Variants in M1AP observed in about 807,000 individuals in gnomAD.
M1AP encodes the protein meiosis 1 arrest protein.
A neutral mutation model predicts 51.2 loss-of-function variants in M1AP; 39 were observed. The observed-to-expected ratio is 0.76, with a 90% CI of 0.59 to 1.00. The LOEUF is 1.00. M1AP is among the 50% of genes least tolerant of loss of function. The pLI is 0.00. For missense variants in M1AP, 545 were observed against 641.2 expected (o/e 0.85, Z 1.62); for synonymous variants, 251 against 249.2 (o/e 1.01, Z -0.07).
chr2:74,601,216 T>A (rs1680653851), intron 4 of M1AP, among the ~76,000 whole-genome samples: 1 of 152,082 alleles, frequency 6.6e-6, no homozygotes, highest in Admixed American at 6.5e-5. Flanking sequence ...AAAAGGATAG[T>A]TAAATAAATG....
intron 7 of M1AP, among the ~76,000 whole-genome samples, chr2:74,564,582 C>T (rs766993697): frequency 1.4e-4 from 21 of 152,344 alleles, no homozygotes; most frequent in Non-Finnish European, 1.9e-4. Flanking sequence ...GAAGTTCATG[C>T]TTTCTTAGCA....
intron 2 of M1AP, chr2:74,628,506 A>G (rs1682527239): frequency 2.2e-6 from 1 of 462,532 alleles, no homozygotes; most frequent in Admixed American, 2.7e-5. Flanking sequence ...GAAGGAGAAC[A>G]AGGCACTAAA....
intron 7 of M1AP, among the ~76,000 whole-genome samples, chr2:74,566,740 G>A (rs994495438): frequency 7.0e-6 from 1 of 143,838 alleles, no homozygotes; most frequent in African/African-American, 2.6e-5. Context: ...TGGATTCTTG[G>A]TCTTGAGTCT....
intron 2 of M1AP, among the ~76,000 whole-genome samples, chr2:74,626,750 G>C (rs1682421666): frequency 6.6e-6 from 1 of 152,170 alleles, no homozygotes; most frequent in Non-Finnish European, 1.5e-5. Flanking sequence ...TGGCTATCCA[G>C]CTGATCCAAA....
chr2:74,619,089 C>T, intron 2 of M1AP: 2 of 377,224 alleles, frequency 5.3e-6, no homozygotes, highest in Non-Finnish European at 5.3e-6. Context: ...GCACCACAGA[C>T]CACTGTGCTT....
At chr2:74,647,254 C>T in intron 1 of M1AP, 1 of 985,306 alleles carries the variant, frequency 1.0e-6, no homozygotes, top group Non-Finnish European at 1.2e-6. Flanking sequence ...CCCTCCCCTG[C>T]CCGCACCCCG....
chr2:74,613,864 G>A (rs1303889616), intron 3 of M1AP, among the ~76,000 whole-genome samples: 1 of 152,180 alleles, frequency 6.6e-6, no homozygotes, highest in Non-Finnish European at 1.5e-5. Flanking sequence ...TCATAGCTCA[G>A]TGCAACTTTG....
chr2:74,647,276 T>C (rs545549306), intron 1 of M1AP: 7 of 985,294 alleles, frequency 7.1e-6, no homozygotes, highest in Middle Eastern at 5.2e-4. Flanking sequence ...GAGATCCACC[T>C]CTCACAGATC....
intron 1 of M1AP, among the ~76,000 whole-genome samples, chr2:74,642,713 G>A (rs979065827): frequency 7.9e-5 from 12 of 152,166 alleles, no homozygotes; most frequent in African/African-American, 2.4e-4. Context: ...CTACAGCTTT[G>A]TAATTTTTCC....
chr2:74,640,790 T>C (rs62147441), intron 1 of M1AP, among the ~76,000 whole-genome samples: 1 of 152,260 alleles, frequency 6.6e-6, no homozygotes, highest in Non-Finnish European at 1.5e-5. Context: ...CCAAGAGATC[T>C]AGATGTTTGC....
chr2:74,558,838 C>T lies in M1AP; in HGVS notation c.1471G>A (p.Val491Met). The change falls in exon 11 of 11, where the codon GTG becomes ATG. Residue 491 changes from valine (V) to methionine (M), a missense_variant. Physicochemically the swap from Val to Met is conservative, Grantham distance 21. Coordinates refer to ENST00000421985, the MANE Select transcript of M1AP (RefSeq NM_001321739.2). ...ACAGGAGTCATAGGCAGGGGGGCCACAGTAGCTCGAGCTCGGTTGGTCTGC... is the reference window on the plus strand; with the variant it reads ...ACAGGAGTCATAGGCAGGGGGGCCATAGTAGCTCGAGCTCGGTTGGTCTGC... ...QLQTNRARAT[V>M]APLPMTPVPG... is the part of the protein sequence containing the mutation. 1 of 1,603,572 alleles carries T rather than the reference C, an allele frequency of 6.2e-7. No individual in the cohort carries two copies. Among genetic ancestry groups the T allele is most frequent in the Non-Finnish European group, 8.5e-7 (1 of 1,175,972 alleles).
chr2:74,576,936 C>T (rs867267441), intron 5 of M1AP: 1 of 1,102,794 alleles, frequency 9.1e-7, no homozygotes, highest in Non-Finnish European at 1.1e-6. Flanking sequence ...AGACATCTGG[C>T]TTGTGATCCA....
intron 2 of M1AP, among the ~76,000 whole-genome samples, chr2:74,638,422 A>G (rs1332931280): frequency 1.3e-5 from 2 of 151,534 alleles, no homozygotes; most frequent in Non-Finnish European, 2.9e-5. Flanking sequence ...GTTTTTTTTT[A>G]TTGTTTGAGG....
intron 1 of M1AP, among the ~76,000 whole-genome samples, chr2:74,642,468 T>C (rs1368673876): frequency 6.6e-6 from 1 of 152,120 alleles, no homozygotes; most frequent in Non-Finnish European, 1.5e-5. Context: ...TAAGAATAGA[T>C]GATAGGAATA....
rs77341617 is a variant in M1AP, at chr2:74,607,932, A to AT, written c.427-710dup. The stretch of plus-strand genomic sequence containing the variant: ...TATTATTATTATTTTAAAAGACATT[A>AT]TTTTTTAGGGAAGTTTTAGGTTCAC... On this transcript the variant is annotated intron_variant, in intron 3 of 10. Transcript: ENST00000421985. 2.4e-3 allele frequency among the ~76,000 whole-genome samples: 367 copies of AT among 152,200 alleles called. 7 individuals carry two copies. The East Asian group carries it at 0.046, about 19-fold the overall frequency.
Position 74,575,542 on chromosome 2 carries a change from A to G in M1AP, c.970T>C (p.Tyr324His), listed in dbSNP as rs878956718. The G allele has an allele frequency of 9.3e-6, 15 of 1,614,166 alleles. No homozygotes were observed. The highest frequency in any genetic ancestry group is 1.3e-5 in the Non-Finnish European group (15 of 1,180,014). The change falls in exon 7 of 11, where the codon TAT becomes CAT. Residue 324 changes from tyrosine to histidine, a missense_variant. Tyr to His is a moderately conservative substitution (Grantham distance 83). Transcript: ENST00000421985. Reference sequence around the variant, plus strand: ...GGTCTGAGGATGAACGGGAGTCCATATGTCAATGACTCGCAGAGCCCGCTA... The same window carrying G: ...GGTCTGAGGATGAACGGGAGTCCATGTGTCAATGACTCGCAGAGCCCGCTA... The part of the protein sequence containing the change: ...KSSGLCESLT[Y>H]GLPFILRPTS...
In M1AP at chr2:74,563,617, A is replaced by C. The variant is rs933468966; in HGVS notation, c.1075-1194T>G. On this transcript the variant is annotated intron_variant, in intron 7 of 10. Coordinates refer to ENST00000421985, the MANE Select transcript of M1AP (RefSeq NM_001321739.2). ...TCTGTCTCAAAACATAAAAAAAAAA[A>C]AAAAAAAAAACATAAAGAAAGAGCA... Among the ~76,000 whole-genome samples, 5 of 151,590 alleles carry C rather than the reference A, an allele frequency of 3.3e-5. No individual in the cohort carries two copies. The South Asian group carries it at 6.2e-4, about 19-fold the overall frequency.
At chr2:74,565,865 ACAAAC>A (rs1396806251) in intron 7 of M1AP, among the ~76,000 whole-genome samples, 46 of 150,506 alleles carry the variant, frequency 3.1e-4, no homozygotes, top group Admixed American at 1.1e-3. Context: ...ACACACACAC[ACAAAC>A]ATTTGGCAAA....
rs1677773946 is a variant in M1AP, at chr2:74,559,721, A to G, written c.1423-12T>C. 2 of 718,500 alleles carry G rather than the reference A, an allele frequency of 2.8e-6. No individual in the cohort carries two copies. The allele number at this position is 718,500 out of a possible 1,614,324, so 44.5% of individuals were successfully genotyped here. A position where few individuals can be genotyped will look rare whatever the true frequency, so the allele number is the denominator to read the frequency against. ...ACCTTGCAGGGATGCTGTGAGGATTAAATGAGAAAAACATATAAGCAAGCA... is the reference window on the plus strand; with the variant it reads ...ACCTTGCAGGGATGCTGTGAGGATTGAATGAGAAAAACATATAAGCAAGCA... On this transcript the variant is annotated splice_polypyrimidine_tract_variant and intron_variant, in intron 9 of 10. Transcript: ENST00000421985.
Sources: allele counts gnomAD v4.1 joint callset (sites outside exome capture counted in the v4.1 genomes callset), GRCh38; gene constraint gnomAD v4.1.1; transcripts MANE v1.5; gene names NCBI Gene and HGNC (gene_info 2026-07-23, HGNC 2026-07-21).